The following EML6 variants were observed in gnomAD, a reference collection of about 807,000 sequenced individuals.
The protein encoded by EML6 is EMAP like 6.
EML6 carries 154 observed loss-of-function variants against 240.1 expected under a neutral mutation model. The ratio of observed to expected loss-of-function variants is 0.64; its 90% CI spans 0.56 to 0.73. The LOEUF is 0.73. Among genes scored for constraint, EML6 ranks in the 30% least tolerant of loss-of-function variants. The pLI is 0.00. For missense variants in EML6, 2,964 were observed against 2,474.6 expected (o/e 1.20, Z -4.20); for synonymous variants, 1,148 against 899.0 (o/e 1.28, Z -4.95).
In EML6 at chr2:54,910,951, C is replaced by T. The variant is rs1458762877; in HGVS notation, c.3410-3C>T. 8 of 1,517,124 alleles carry T rather than the reference C, an allele frequency of 5.3e-6. No homozygotes were observed. The highest frequency in any genetic ancestry group is 3.7e-5 in the South Asian group (3 of 81,318). 94.0% of individuals were successfully genotyped at this position (1,517,124 alleles called of 1,614,324 possible). On this transcript the variant is annotated splice_polypyrimidine_tract_variant and splice_region_variant and intron_variant, in intron 24 of 41. Coordinates refer to ENST00000356458, the MANE Select transcript of EML6 (RefSeq NM_001039753.4). ...ATCTCTCTACTTCGTTCTGTCGTAA[C>T]AGGAAAATTATTGCAAGTGAATTCA...
At chr2:54,929,480 T>A (rs1674739283) in intron 28 of EML6, among the ~76,000 whole-genome samples, 1 of 152,216 alleles carries the variant, frequency 6.6e-6, no homozygotes, top group South Asian at 2.1e-4. Context: ...TCTTAATAAC[T>A]AAAGAGAATT....
chr2:54,956,213 C>G (rs957370194), intron 32 of EML6, among the ~76,000 whole-genome samples: 3 of 151,722 alleles, frequency 2.0e-5, no homozygotes, highest in African/African-American at 7.3e-5. Flanking sequence ...TAAACAGTGG[C>G]TTTGAAAAAA....
intron 2 of EML6, among the ~76,000 whole-genome samples, chr2:54,792,975 T>A (rs1310284934): frequency 2.0e-5 from 3 of 152,214 alleles, no homozygotes; most frequent in Non-Finnish European, 4.4e-5. Context: ...GTTTAAAGTT[T>A]TTGATCTTTA....
intron 2 of EML6, among the ~76,000 whole-genome samples, chr2:54,757,278 A>G (rs1470009716): frequency 6.6e-6 from 1 of 152,122 alleles, no homozygotes; most frequent in South Asian, 2.1e-4. Flanking sequence ...TTTGTATTTA[A>G]GAGCAAGACC....
In EML6 at chr2:54,919,251, C is replaced by G. The variant is rs556793332; in HGVS notation, c.3675+2316C>G. ...TTTCCTCTATTTTGCTTCCCCCCCC[C>G]CCCAATCCTTTTCAAAAGTCTTATT... On this transcript the variant is annotated intron_variant, in intron 26 of 41. Transcript: ENST00000356458. Among the ~76,000 whole-genome samples, 470 of 146,734 alleles carry G rather than the reference C, an allele frequency of 3.2e-3. 2 individuals are homozygous for G. Among genetic ancestry groups the G allele is most frequent in the East Asian group, 9.2e-3 (43 of 4,692 alleles).
At position 54,970,354 on chromosome 2, in the gene EML6, A is replaced by G. The variant is rs955408618; in HGVS notation, c.*259A>G. ...CTGTTCCTGAGACTAAACAGTATAC[A>G]TACTAACTACATTGACAAAGAAATC... On this transcript the variant is annotated 3_prime_UTR_variant, in exon 42 of 42. Transcript: ENST00000356458. 4 of 478,196 alleles carry G rather than the reference A, an allele frequency of 8.4e-6. No homozygotes were observed. Among genetic ancestry groups the G allele is most frequent in the South Asian group, 7.1e-5 (2 of 28,098 alleles). The allele number at this position is 478,196 out of a possible 1,614,324, so 29.6% of individuals were successfully genotyped here. A position where few individuals can be genotyped will look rare whatever the true frequency, so the allele number is the denominator to read the frequency against.
chr2:54,823,301 G>A (rs534219423), intron 5 of EML6, among the ~76,000 whole-genome samples: 5 of 152,042 alleles, frequency 3.3e-5, no homozygotes, highest in African/African-American at 9.7e-5. Flanking sequence ...AGGAAGGGTC[G>A]GGAGGCAGAA....
At chr2:54,861,555 C>G (rs574783915) in intron 12 of EML6, among the ~76,000 whole-genome samples, 35 of 152,152 alleles carry the variant, frequency 2.3e-4, no homozygotes, top group Non-Finnish European at 3.5e-4. Context: ...TCCAACCCTT[C>G]TAGCTACATC....
rs970664284 is a variant in EML6 at position 54,942,916 on chromosome 2, A to G, written c.4005-5966A>G. ...TGGCCTCACTTTTTGTGCCTACCCAAATGCCATTTCCCAGTCCTGTTGGCC... is the reference window on the plus strand; with the variant it reads ...TGGCCTCACTTTTTGTGCCTACCCAGATGCCATTTCCCAGTCCTGTTGGCC... On this transcript the variant is annotated intron_variant, in intron 28 of 41. Coordinates refer to ENST00000356458, the MANE Select transcript of EML6 (RefSeq NM_001039753.4). Among the ~76,000 whole-genome samples, 3 of 152,030 alleles carry G rather than the reference A, an allele frequency of 2.0e-5. No individual in the cohort carries two copies. In the East Asian group the frequency reaches 5.8e-4, roughly 29 times the overall value.
At chr2:54,800,756 C>G (rs1433395413) in intron 2 of EML6, among the ~76,000 whole-genome samples, 1 of 152,084 alleles carries the variant, frequency 6.6e-6, no homozygotes, top group African/African-American at 2.4e-5. Context: ...TTTTTACTCT[C>G]AGTGGATGAA....
intron 35 of EML6, among the ~76,000 whole-genome samples, chr2:54,961,998 T>C (rs1303078047): frequency 6.6e-6 from 1 of 150,920 alleles, no homozygotes; most frequent in Non-Finnish European, 1.5e-5. Flanking sequence ...AGTGAGACCC[T>C]GCCTCAAAAA....
intron 28 of EML6, among the ~76,000 whole-genome samples, chr2:54,943,439 GA>G (rs139873620): frequency 0.15 from 22,307 of 151,462 alleles, 2,229 homozygotes; most frequent in African/African-American, 0.28. Flanking sequence ...CTCTCCTCAG[GA>G]AAAAAAACAG....
At chr2:54,728,911 C>T (rs1284943997) in intron 2 of EML6, among the ~76,000 whole-genome samples, 4 of 152,014 alleles carry the variant, frequency 2.6e-5, no homozygotes, top group Admixed American at 6.6e-5. Context: ...TCTGTTCTTC[C>T]CTGCCTCACA....
intron 5 of EML6, among the ~76,000 whole-genome samples, chr2:54,823,836 T>TATTC (rs1297868763): frequency 1.1e-4 from 11 of 98,608 alleles, no homozygotes; most frequent in Admixed American, 4.7e-4. Context: ...GCTGAATTAA[T>TATTC]ATTCATTCAT....
intron 30 of EML6, among the ~76,000 whole-genome samples, chr2:54,951,266 C>T (rs947086617): frequency 6.6e-6 from 1 of 152,200 alleles, no homozygotes; most frequent in Non-Finnish European, 1.5e-5. Flanking sequence ...GGCAAGGTGG[C>T]TCATGCCTGT....
At chr2:54,841,136 C>T (rs1205295867) in intron 7 of EML6, among the ~76,000 whole-genome samples, 3 of 152,228 alleles carry the variant, frequency 2.0e-5, no homozygotes, top group Admixed American at 6.5e-5. Flanking sequence ...GGCGCAAGGC[C>T]GTGTGGTTCT....
intron 21 of EML6, among the ~76,000 whole-genome samples, chr2:54,896,666 C>T (rs1672787746): frequency 6.6e-6 from 1 of 152,186 alleles, no homozygotes; most frequent in South Asian, 2.1e-4. Context: ...GATTCCAGTG[C>T]AGGAGCTTCC....
chr2:54,781,179 A>C (rs1338289175), intron 2 of EML6, among the ~76,000 whole-genome samples: 1 of 152,232 alleles, frequency 6.6e-6, no homozygotes, highest in African/African-American at 2.4e-5. Flanking sequence ...CATGCGAGGC[A>C]TAGAAATGGT....
At chr2:54,859,502 A>G (rs1238865492) in intron 11 of EML6, 32 bp from the exon 12 acceptor site, 3 of 1,527,068 alleles carry the variant, frequency 2.0e-6, no homozygotes, top group African/African-American at 1.4e-5. Flanking sequence ...TTCTTTTTTC[A>G]TAACTAATCC....
Sources: allele counts gnomAD v4.1 joint callset (sites outside exome capture counted in the v4.1 genomes callset), GRCh38; gene constraint gnomAD v4.1.1; transcripts MANE v1.5; gene names NCBI Gene and HGNC (gene_info 2026-07-23, HGNC 2026-07-21).